NSUN3: variants seen among roughly 807,000 people sequenced by gnomAD.
NSUN3 encodes the protein NOP2/Sun RNA methyltransferase 3, also known as tRNA (cytosine(34)-C(5))-methyltransferase, mitochondrial.
Under a neutral mutation model 36.8 loss-of-function variants are expected in NSUN3, and 24 were observed. The ratio of observed to expected loss-of-function variants is 0.65; its 90% CI spans 0.47 to 0.92. NSUN3 has a LOEUF of 0.92. NSUN3 is among the 40% of genes least tolerant of loss of function. The pLI, the probability that NSUN3 is intolerant of heterozygous loss-of-function variation, is 0.00. For synonymous variants in NSUN3, 146 were observed against 145.2 expected, an observed-to-expected ratio of 1.01 and a Z score of -0.04; for missense variants, 381 against 392.8, an observed-to-expected ratio of 0.97 and a Z score of 0.25.
At chr3:94,125,559 A>G (rs1344701723) in intron 5 of NSUN3, among the ~76,000 whole-genome samples, 3 of 152,226 alleles carry the variant, frequency 2.0e-5, no homozygotes, top group Admixed American at 6.5e-5. Context: ...TATGGAATCA[A>G]TGACTTCTTA....
chr3:94,126,824 C>A lies in NSUN3; in HGVS notation c.*334C>A, dbSNP rs1210556457. On this transcript the variant is annotated 3_prime_UTR_variant, in exon 6 of 6. Transcript: ENST00000314622. ...GTTCTGTATTCTTTCTATGATAGTG[C>A]TTTGAACCTTCAAAAATTCACATTT... is the stretch of plus-strand genomic sequence containing the variant. 1.7e-5 allele frequency: 3 copies of A among 176,798 alleles called. No individual in the cohort carries two copies. Among genetic ancestry groups the A allele is most frequent in the African/African-American group, 7.1e-5 (3 of 42,148 alleles). The allele number at this position is 176,798 out of a possible 1,614,324, so 11.0% of individuals were successfully genotyped here.
intron 5 of NSUN3, among the ~76,000 whole-genome samples, chr3:94,100,585 G>A (rs139320012): frequency 2.0e-5 from 3 of 152,248 alleles, no homozygotes; most frequent in Admixed American, 6.5e-5. Context: ...AGTTAATTAT[G>A]TATATTTCAA....
At chr3:94,064,211 G>C (rs980892420) in intron 1 of NSUN3, 2 of 532,814 alleles carry the variant, frequency 3.8e-6, no homozygotes, top group Non-Finnish European at 6.7e-6. Context: ...AGTAGATTCT[G>C]TTTTAACCTT....
chr3:94,106,827 A>G (rs1344827507), intron 5 of NSUN3, among the ~76,000 whole-genome samples: 1 of 152,230 alleles, frequency 6.6e-6, no homozygotes, highest in Non-Finnish European at 1.5e-5. Flanking sequence ...AAGGAATACT[A>G]GAAGTCAACA....
At chr3:94,125,137 C>A (rs915352573) in intron 5 of NSUN3, among the ~76,000 whole-genome samples, 9 of 152,150 alleles carry the variant, frequency 5.9e-5, no homozygotes, top group African/African-American at 2.2e-4. Flanking sequence ...GATATTGTAT[C>A]TTTGCTGATC....
chr3:94,092,828 G>C (rs886802764), intron 3 of NSUN3, among the ~76,000 whole-genome samples: 1 of 145,616 alleles, frequency 6.9e-6, no homozygotes, highest in African/African-American at 2.6e-5. Context: ...GCTGAGGCAG[G>C]AGAATCGCTT....
At chr3:94,092,835 G>A (rs987983010) in intron 3 of NSUN3, among the ~76,000 whole-genome samples, 2 of 139,306 alleles carry the variant, frequency 1.4e-5, no homozygotes, top group East Asian at 2.2e-4. Context: ...CAGGAGAATC[G>A]CTTGAACCTG....
intron 5 of NSUN3, among the ~76,000 whole-genome samples, chr3:94,105,146 AT>A (rs2077383524): frequency 6.6e-6 from 1 of 152,206 alleles, no homozygotes; most frequent in African/African-American, 2.4e-5. Context: ...TGACCTGGCT[AT>A]TTTGGGAAAA....
rs1008791402 is a variant in NSUN3, at chr3:94,127,993, G to A, written c.*1503G>A. 2 of 152,146 alleles carry A rather than the reference G, an allele frequency of 1.3e-5. No homozygotes were observed. The highest frequency in any genetic ancestry group is 4.8e-5 in the African/African-American group (2 of 41,432). 9.4% of individuals were successfully genotyped at this position (152,146 alleles called of 1,614,324 possible). On this transcript the variant is annotated 3_prime_UTR_variant, in exon 6 of 6. Coordinates refer to ENST00000314622, the MANE Select transcript of NSUN3 (RefSeq NM_022072.5). ...CCCAGCACTTTGTCAGGCCGAGGCA[G>A]GGGGCATCTCCTGAGGTCAGAAGTT...
chr3:94,077,094 G>T, intron 2 of NSUN3: 1 of 779,416 alleles, frequency 1.3e-6, no homozygotes. Flanking sequence ...GAAAAGGGGT[G>T]TTCTTTTTCC....
At position 94,096,719 on chromosome 3, in the gene NSUN3, C is replaced by T. The variant is rs565524348; in HGVS notation, c.743+1565C>T. ...TTCACCATGTTGACCAGGCTGGTCTCGAACTCCTGACCTCAAGTGATCTGC... is the reference window on the plus strand; with the variant it reads ...TTCACCATGTTGACCAGGCTGGTCTTGAACTCCTGACCTCAAGTGATCTGC... On this transcript the variant is annotated intron_variant, in intron 5 of 5. Transcript: ENST00000314622. Among the ~76,000 whole-genome samples the T allele has an allele frequency of 8.5e-5, 13 of 152,126 alleles. No homozygotes were observed. The South Asian group carries it at 2.1e-3, about 24-fold the overall frequency.
chr3:94,090,746 C>T (rs982937430), intron 3 of NSUN3, among the ~76,000 whole-genome samples: 2 of 152,062 alleles, frequency 1.3e-5, no homozygotes, highest in African/African-American at 2.4e-5. Flanking sequence ...ACAGTGGGAA[C>T]CTTGAAGGTA....
chr3:94,087,121 G>T (rs906303966), intron 3 of NSUN3, among the ~76,000 whole-genome samples: 2 of 152,182 alleles, frequency 1.3e-5, no homozygotes, highest in Non-Finnish European at 2.9e-5. Flanking sequence ...ATGAACTACA[G>T]GCAGTGTTCC....
chr3:94,122,138 T>A, intron 5 of NSUN3, among the ~76,000 whole-genome samples: 3 of 133,762 alleles, frequency 2.2e-5, no homozygotes, highest in African/African-American at 2.9e-5. Flanking sequence ...AGAGCAAGAC[T>A]CATCCCCCCA....
chr3:94,066,149 T>G (rs1179589893), intron 2 of NSUN3, among the ~76,000 whole-genome samples: 2 of 151,926 alleles, frequency 1.3e-5, no homozygotes, highest in Non-Finnish European at 2.9e-5. Flanking sequence ...ATTTTTCTAC[T>G]TAGTGTACTC....
intron 5 of NSUN3, among the ~76,000 whole-genome samples, chr3:94,110,938 T>C (rs2077414086): frequency 6.6e-6 from 1 of 152,126 alleles, no homozygotes. Flanking sequence ...AGATTGGGCC[T>C]GGATCCCTGA....
At chr3:94,095,846 A>G (rs887530176) in intron 5 of NSUN3, among the ~76,000 whole-genome samples, 11 of 151,714 alleles carry the variant, frequency 7.3e-5, no homozygotes, top group African/African-American at 2.4e-4. Flanking sequence ...TCCCAAGTTC[A>G]AGCTATTCTC....
chr3:94,071,293 CAT>C (rs1576080714), intron 2 of NSUN3, among the ~76,000 whole-genome samples: 1 of 152,068 alleles, frequency 6.6e-6, no homozygotes, highest in African/African-American at 2.4e-5. Flanking sequence ...AGTACATACA[CAT>C]GTGTATATGT....
chr3:94,126,179 C>A, intron 5 of NSUN3, 32 bp from the exon 6 acceptor site: 1 of 1,577,414 alleles, frequency 6.3e-7, no homozygotes, highest in Non-Finnish European at 8.6e-7. Context: ...ATATACTTAA[C>A]TAATCTTTTG....
Sources: allele counts gnomAD v4.1 joint callset (sites outside exome capture counted in the v4.1 genomes callset), GRCh38; gene constraint gnomAD v4.1.1; transcripts MANE v1.5; gene names NCBI Gene and HGNC (gene_info 2026-07-23, HGNC 2026-07-21).